Variants in PRKCA observed in about 807,000 individuals in gnomAD.
PRKCA encodes protein kinase C alpha type.
A neutral mutation model predicts 87.0 loss-of-function variants in PRKCA; 27 were observed. The ratio of observed to expected loss-of-function variants is 0.31; its 90% confidence interval spans 0.23 to 0.43. PRKCA has a LOEUF of 0.43. Among genes scored for constraint, PRKCA ranks in the 20% least tolerant of loss-of-function variants. PRKCA has a pLI of 1.00. For missense variants in PRKCA, 518 were observed against 852.3 expected (o/e 0.61, Z 4.88); for synonymous variants, 329 against 311.1 (o/e 1.06, Z -0.61).
chr17:66,658,702 A>T (rs1171856871), intron 5 of PRKCA, among the ~76,000 whole-genome samples: 3 of 152,212 alleles, frequency 2.0e-5, no homozygotes, highest in African/African-American at 7.2e-5. Flanking sequence ...AATACGTATT[A>T]GGGGTTGTTA....
intron 2 of PRKCA, among the ~76,000 whole-genome samples, chr17:66,355,173 TC>T (rs1282465377): frequency 6.6e-6 from 1 of 152,218 alleles, no homozygotes; most frequent in Non-Finnish European, 1.5e-5. Context: ...CATTTTTTTT[TC>T]TTTTCAGTTT....
intron 8 of PRKCA, among the ~76,000 whole-genome samples, chr17:66,705,263 T>C (rs1272305770): frequency 6.6e-6 from 1 of 152,190 alleles, no homozygotes; most frequent in Admixed American, 6.5e-5. Context: ...TAAACTGATA[T>C]AGGAGACAGG....
intron 2 of PRKCA, among the ~76,000 whole-genome samples, chr17:66,382,238 G>A (rs985608014): frequency 6.6e-6 from 1 of 152,154 alleles, no homozygotes; most frequent in African/African-American, 2.4e-5. Context: ...CTACTCGGGG[G>A]CAATGCACTG....
At chr17:66,400,836 G>A (rs1910981298) in intron 2 of PRKCA, among the ~76,000 whole-genome samples, 1 of 152,180 alleles carries the variant, frequency 6.6e-6, no homozygotes, top group Non-Finnish European at 1.5e-5. Context: ...AGTTTATTAT[G>A]TCAAGCTTTT....
chr17:66,799,880 C>T (rs1975861094), intron 16 of PRKCA, among the ~76,000 whole-genome samples: 1 of 151,846 alleles, frequency 6.6e-6, no homozygotes, highest in African/African-American at 2.4e-5. Context: ...CTCACCAGGC[C>T]GAATCTGGAG....
chr17:66,734,790 C>T (rs1973984775), intron 9 of PRKCA, among the ~76,000 whole-genome samples: 2 of 152,134 alleles, frequency 1.3e-5, no homozygotes, highest in Non-Finnish European at 2.9e-5. Flanking sequence ...CCATCTTAGT[C>T]GCTAAAGAGG....
intron 10 of PRKCA, among the ~76,000 whole-genome samples, chr17:66,737,032 C>T (rs1005540405): frequency 7.2e-5 from 11 of 152,102 alleles, no homozygotes; most frequent in South Asian, 2.1e-4. Flanking sequence ...CTAATCAGTC[C>T]GTTGCAGGGC....
chr17:66,594,683 C>T (rs936294304), intron 3 of PRKCA, among the ~76,000 whole-genome samples: 7 of 152,024 alleles, frequency 4.6e-5, no homozygotes, highest in Non-Finnish European at 8.8e-5. Flanking sequence ...AAAATGACTT[C>T]CCAGTTCCTG....
Position 66,346,325 on chromosome 17 carries a change from C to T in PRKCA, c.205+40198C>T, listed in dbSNP as rs144625020. Among the ~76,000 whole-genome samples the T allele has an allele frequency of 2.3e-3, 351 of 151,986 alleles. 1 individual carries two copies. Among genetic ancestry groups the T allele is most frequent in the African/African-American group, 7.8e-3 (323 of 41,446 alleles). ...TGTTAGCTAGGATGGTCTCGATCTCCTGACCTAGTGATCTGCCCACCTTGG... is the reference window on the plus strand; with the variant it reads ...TGTTAGCTAGGATGGTCTCGATCTCTTGACCTAGTGATCTGCCCACCTTGG... On this transcript the variant is annotated intron_variant, in intron 2 of 16. Coordinates refer to ENST00000413366, the MANE Select transcript of PRKCA (RefSeq NM_002737.3).
intron 3 of PRKCA, among the ~76,000 whole-genome samples, chr17:66,632,942 G>A (rs1474601954): frequency 6.6e-6 from 1 of 152,160 alleles, no homozygotes; most frequent in Non-Finnish European, 1.5e-5. Flanking sequence ...GGTTTGACAG[G>A]TTCATCCAAC....
chr17:66,679,050 G>A (rs1972415625), intron 5 of PRKCA, among the ~76,000 whole-genome samples: 1 of 152,110 alleles, frequency 6.6e-6, no homozygotes, highest in Non-Finnish European at 1.5e-5. Flanking sequence ...CATTGATTCA[G>A]TCCCTGGCCT....
At chr17:66,619,330 C>T (rs1007550220) in intron 3 of PRKCA, among the ~76,000 whole-genome samples, 6 of 152,144 alleles carry the variant, frequency 3.9e-5, no homozygotes, top group African/African-American at 1.4e-4. Context: ...CAGGTGTCAA[C>T]CGCTCCAAGT....
At chr17:66,477,394 A>T (rs1915578237) in intron 2 of PRKCA, among the ~76,000 whole-genome samples, 1 of 152,098 alleles carries the variant, frequency 6.6e-6, no homozygotes, top group Non-Finnish European at 1.5e-5. Flanking sequence ...TTTGTTTTTA[A>T]CTTTTAAAAA....
Position 66,581,981 on chromosome 17 carries a change from C to T in PRKCA, c.289-59374C>T, listed in dbSNP as rs548155253. On this transcript the variant is annotated intron_variant, in intron 3 of 16. Coordinates refer to ENST00000413366, the MANE Select transcript of PRKCA (RefSeq NM_002737.3). ...AAAAGGAAGGACATTTAGCCATTAG[C>T]CCCAGGAGAGCCATGCTAGTTATTT... 2.0e-5 allele frequency among the ~76,000 whole-genome samples: 3 copies of T among 152,228 alleles called. No homozygotes were observed. In the East Asian group the frequency reaches 5.8e-4, roughly 29 times the overall value.
intron 2 of PRKCA, among the ~76,000 whole-genome samples, chr17:66,446,522 A>C (rs1248703994): frequency 6.6e-6 from 1 of 152,198 alleles, no homozygotes; most frequent in Non-Finnish European, 1.5e-5. Flanking sequence ...TTTCATAAGC[A>C]GTTGCATTGT....
chr17:66,596,483 ATCT>A (rs1218014235), intron 3 of PRKCA, among the ~76,000 whole-genome samples: 3 of 150,574 alleles, frequency 2.0e-5, no homozygotes, highest in Non-Finnish European at 4.4e-5. Flanking sequence ...AGTGATCAGT[ATCT>A]TCTTCAGTGC....
chr17:66,538,092 C>A (rs1052035046), intron 3 of PRKCA, among the ~76,000 whole-genome samples: 2 of 152,162 alleles, frequency 1.3e-5, no homozygotes, highest in African/African-American at 4.8e-5. Context: ...TGAGCCACCA[C>A]CACGCCTGAC....
chr17:66,481,758 T>C (rs563029637), intron 2 of PRKCA, among the ~76,000 whole-genome samples: 1 of 152,314 alleles, frequency 6.6e-6, no homozygotes, highest in Admixed American at 6.5e-5. Flanking sequence ...AGGAGCTTCA[T>C]GCGTGTCTGT....
intron 2 of PRKCA, among the ~76,000 whole-genome samples, chr17:66,473,849 G>C (rs757129727): frequency 2.6e-5 from 4 of 151,986 alleles, no homozygotes; most frequent in Non-Finnish European, 5.9e-5. Context: ...CAGGAGAATC[G>C]CTTGAACCAG....
Sources: gnomAD v4.1 joint callset for allele counts (sites outside exome capture counted in the v4.1 genomes callset) on GRCh38, gnomAD v4.1.1 for gene constraint, MANE v1.5 for transcripts, NCBI Gene and HGNC (gene_info 2026-07-23, HGNC 2026-07-21) for gene names.